C6orf132: variants seen among roughly 807,000 people sequenced by gnomAD.
C6orf132 encodes the protein uncharacterized protein C6orf132.
C6orf132 carries 43 observed loss-of-function variants against 65.3 expected under a neutral mutation model. That is an observed-to-expected ratio of 0.66 (90% confidence interval 0.52 to 0.85). The LOEUF is 0.85. Among genes scored for constraint, C6orf132 ranks in the 40% least tolerant of loss-of-function variants. C6orf132 has a pLI of 0.00. For synonymous variants in C6orf132, 631 were observed against 654.1 expected, an observed-to-expected ratio of 0.96 and a Z score of 0.54; for missense variants, 1,488 against 1,548.8, an observed-to-expected ratio of 0.96 and a Z score of 0.66.
chr6:42,134,229 G>T (rs778793361), intron 1 of C6orf132, among the ~76,000 whole-genome samples: 2 of 152,222 alleles, frequency 1.3e-5, no homozygotes, highest in African/African-American at 4.8e-5. Context: ...ACACTTAACT[G>T]TGGGATCCTG....
chr6:42,110,331 T>A (rs1405220771), intron 2 of C6orf132, 40 bp from the exon 3 acceptor site: 1 of 1,480,570 alleles, frequency 6.8e-7, no homozygotes, highest in African/African-American at 1.4e-5. Flanking sequence ...CAGGGAAAGA[T>A]GGACAGATAA....
rs1236059271 is a variant in C6orf132, at chr6:42,106,472, G to A, written c.1440C>T (p.Gly480=). 1 of 1,536,472 alleles carries A rather than the reference G, an allele frequency of 6.5e-7. No homozygotes were observed. Among genetic ancestry groups the A allele is most frequent in the Non-Finnish European group, 8.7e-7 (1 of 1,146,874 alleles). The change falls in exon 4 of 5, where the codon GGC becomes GGT. Residue 480 remains glycine, a synonymous_variant. Coordinates refer to ENST00000341865, the MANE Select transcript of C6orf132 (RefSeq NM_001164446.3). ...LRNELAAYLC[G]SRREDRFLSH... ...TGAGGAATCGGTCCTCTCTCCTGGA[G>A]CCACAGAGATAGGCTGCCAGCTCGT...
At chr6:42,138,473 G>A (rs952140094) in intron 1 of C6orf132, among the ~76,000 whole-genome samples, 1 of 152,060 alleles carries the variant, frequency 6.6e-6, no homozygotes, top group Non-Finnish European at 1.5e-5. Context: ...TGTATTTTTA[G>A]TAGAGACAAC....
At chr6:42,129,614 G>A (rs1235140098) in intron 1 of C6orf132, among the ~76,000 whole-genome samples, 1 of 152,128 alleles carries the variant, frequency 6.6e-6, no homozygotes, top group African/African-American at 2.4e-5. Context: ...CTGCTCTATG[G>A]CAGTGGGAGG....
At chr6:42,120,112 CA>C (rs1379625067) in intron 2 of C6orf132, among the ~76,000 whole-genome samples, 1 of 151,060 alleles carries the variant, frequency 6.6e-6, no homozygotes, top group Non-Finnish European at 1.5e-5. Context: ...AAAACAAAAA[CA>C]AAAAAAACCC....
chr6:42,104,926 G>A lies in C6orf132; in HGVS notation c.2986C>T (p.Pro996Ser). 2 of 1,467,724 alleles carry A rather than the reference G, an allele frequency of 1.4e-6. No individual in the cohort carries two copies. The highest frequency in any genetic ancestry group is 1.8e-6 in the Non-Finnish European group (2 of 1,114,268). 90.9% of individuals were successfully genotyped at this position (1,467,724 alleles called of 1,614,324 possible). ...IPPPPEFSND[P>S]EPPAPALQYL... ...TGGAGGGCCGGGGCCGGGGGCTCAG[G>A]GTCATTGCTGAACTCTGGCGGCGGT... The change falls in exon 4 of 5, where the codon CCT becomes TCT. Residue 996 changes from proline to serine, a missense_variant. Transcript: ENST00000341865. The surrounding 1 kb of genome is among the most constrained non-coding windows in gnomAD (Gnocchi z 4.1).
chr6:42,110,347 A>G, intron 2 of C6orf132, 56 bp from the exon 3 acceptor site: 1 of 1,404,700 alleles, frequency 7.1e-7, no homozygotes, highest in Middle Eastern at 1.8e-4. Context: ...GATAATTCTC[A>G]AACTGCTGCT....
At chr6:42,134,017 AC>A (rs1766900173) in intron 1 of C6orf132, among the ~76,000 whole-genome samples, 1 of 152,034 alleles carries the variant, frequency 6.6e-6, no homozygotes, top group Non-Finnish European at 1.5e-5. Context: ...CCTCAGGAGA[AC>A]CTGGCTCTGC....
At chr6:42,116,732 C>T (rs1172049196) in intron 2 of C6orf132, among the ~76,000 whole-genome samples, 1 of 152,186 alleles carries the variant, frequency 6.6e-6, no homozygotes, top group Non-Finnish European at 1.5e-5. Context: ...TCCCCACCTA[C>T]TCCACAAACC....
intron 2 of C6orf132, among the ~76,000 whole-genome samples, chr6:42,119,282 A>G (rs1186432521): frequency 5.0e-5 from 7 of 141,096 alleles, no homozygotes; most frequent in African/African-American, 1.8e-4. Context: ...AAAAGGGAGA[A>G]TTCCTGGCCT....
At chr6:42,141,155 C>T (rs1767024159) in intron 1 of C6orf132, among the ~76,000 whole-genome samples, 1 of 152,140 alleles carries the variant, frequency 6.6e-6, no homozygotes, top group Non-Finnish European at 1.5e-5. Context: ...CAGGAAGAGG[C>T]GACACTTTGT....
In C6orf132 at chr6:42,103,590, G is replaced by C. The variant is rs1333867006; in HGVS notation, c.*171C>G. The C allele has an allele frequency of 2.7e-6, 1 of 367,400 alleles. No individual in the cohort carries two copies. Among genetic ancestry groups the C allele is most frequent in the African/African-American group, 2.2e-5 (1 of 45,932 alleles). The allele number at this position is 367,400 out of a possible 1,614,324, so 22.8% of individuals were successfully genotyped here. A position where few individuals can be genotyped will look rare whatever the true frequency, so the allele number is the denominator to read the frequency against. On this transcript the variant is annotated 3_prime_UTR_variant, in exon 5 of 5. Transcript: ENST00000341865. ...CTTTGGGAAACAGAAGCCCACTCTC[G>C]GTCTTCCTGGGCCACTGCTTCTCAT...
chr6:42,126,104 T>C (rs779490626), intron 2 of C6orf132, among the ~76,000 whole-genome samples: 3 of 152,000 alleles, frequency 2.0e-5, no homozygotes, highest in Non-Finnish European at 4.4e-5. Flanking sequence ...TTTTTTGAGA[T>C]GGAGTCTCGC....
chr6:42,128,077 A>G (rs1363309439), intron 2 of C6orf132, among the ~76,000 whole-genome samples: 1 of 148,324 alleles, frequency 6.7e-6, no homozygotes, highest in African/African-American at 2.5e-5. Flanking sequence ...GGTGCTTGCC[A>G]CTACACCGGC....
At chr6:42,118,048 C>T (rs1311522140) in intron 2 of C6orf132, among the ~76,000 whole-genome samples, 2 of 150,952 alleles carry the variant, frequency 1.3e-5, no homozygotes, top group Non-Finnish European at 2.9e-5. Context: ...TCTCAGTTTT[C>T]TGCCCCTTCT....
Position 42,107,347 on chromosome 6 carries a change from G to A in C6orf132, c.565C>T (p.Pro189Ser). ...AGGGCCTCCAATACTGGGGGTGGAGGTGGGGCCATGCTGGGCGGGGGTGGG... is the reference window on the plus strand; with the variant it reads ...AGGGCCTCCAATACTGGGGGTGGAGATGGGGCCATGCTGGGCGGGGGTGGG... ...EPPPPPSMAP[P>S]PPPVLEALSP... The change falls in exon 4 of 5, where the codon CCT (proline) becomes TCT (serine). Residue 189 changes from proline to serine, a missense_variant. Pro to Ser is a moderately conservative substitution (Grantham distance 74). Coordinates refer to ENST00000341865, the MANE Select transcript of C6orf132 (RefSeq NM_001164446.3). The A allele has an allele frequency of 8.5e-7, 1 of 1,181,712 alleles. No individual in the cohort carries two copies. The highest frequency in any genetic ancestry group is 1.2e-6 in the Non-Finnish European group (1 of 857,102). The allele number at this position is 1,181,712 out of a possible 1,614,324, so 73.2% of individuals were successfully genotyped here.
chr6:42,135,880 G>A (rs186443892), intron 1 of C6orf132, among the ~76,000 whole-genome samples: 186 of 152,220 alleles, frequency 1.2e-3, no homozygotes, highest in Non-Finnish European at 1.7e-3. Context: ...CAAAGGGGCC[G>A]GGATTCCAGG....
rs868459080 is a variant in C6orf132 at position 42,117,856 on chromosome 6, G to A, written c.253-7565C>T. ...GGAGAATCACTTGAACCCAGGAGGT[G>A]GAGATTGCAGTGAGCCAAGATTGTG... On this transcript the variant is annotated intron_variant, in intron 2 of 4. Coordinates refer to ENST00000341865, the MANE Select transcript of C6orf132 (RefSeq NM_001164446.3). Among the ~76,000 whole-genome samples the A allele has an allele frequency of 6.8e-4, 99 of 144,698 alleles. No individual in the cohort carries two copies. In the Middle Eastern group the frequency reaches 0.019, roughly 27 times the overall value. The allele number at this position is 144,698 out of a possible 152,430, so 94.9% of individuals were successfully genotyped here. A position where few individuals can be genotyped will look rare whatever the true frequency, so the allele number is the denominator to read the frequency against.
At chr6:42,122,432 G>C (rs1766703197) in intron 2 of C6orf132, among the ~76,000 whole-genome samples, 1 of 152,206 alleles carries the variant, frequency 6.6e-6, no homozygotes, top group Admixed American at 6.5e-5. Context: ...AGAGGCGGCT[G>C]TTTATGGGCC....
Sources: gnomAD v4.1 joint callset for allele counts (sites outside exome capture counted in the v4.1 genomes callset) on GRCh38, gnomAD v4.1.1 for gene constraint, Gnocchi (gnomAD v3.1) non-coding constraint, MANE v1.5 for transcripts, NCBI Gene and HGNC (gene_info 2026-07-23, HGNC 2026-07-21) for gene names.